The following WDR76 variants were observed in gnomAD, a reference collection of about 807,000 sequenced individuals.
The protein encoded by WDR76 is WD repeat domain 76.
WDR76 carries 52 observed loss-of-function variants against 70.2 expected under a neutral mutation model. The ratio of observed to expected loss-of-function variants is 0.74; its 90% CI spans 0.59 to 0.93. The LOEUF is 0.93. WDR76 is among the 40% of genes least tolerant of loss of function. WDR76 has a pLI of 0.00. For missense variants in WDR76, 756 were observed against 760.2 expected, an observed-to-expected ratio of 0.99 and a Z score of 0.07; for synonymous variants, 292 against 271.1, an observed-to-expected ratio of 1.08 and a Z score of -0.76.
Position 43,827,014 on chromosome 15 carries a change from G to T in WDR76, c.-19G>T. 6.2e-7 allele frequency: 1 copy of T among 1,612,974 alleles called. No individual in the cohort carries two copies. ...CCGCAATCTTGGCGGGAAGGCGCCG[G>T]CCGCTAAGAAGCCGAAAGATGTCCA... On this transcript the variant is annotated 5_prime_UTR_variant, in exon 1 of 13. Transcript: ENST00000263795.
chr15:43,827,160 C>G (rs2087527560), intron 1 of WDR76, 68 bp downstream of exon 1: 1 of 1,608,154 alleles, frequency 6.2e-7, no homozygotes, highest in South Asian at 1.1e-5. Context: ...ATGCGGGACA[C>G]AGGCCCAGGA....
At position 43,851,400 on chromosome 15, in the gene WDR76, C is replaced by T. The variant is rs187689297; in HGVS notation, c.1191+155C>T. 6.6e-5 allele frequency among the ~76,000 whole-genome samples: 10 copies of T among 152,312 alleles called. No individual in the cohort carries two copies. The East Asian group carries it at 1.9e-3, about 29-fold the overall frequency. ...AGTTCAAATCCCAGATCATCTGTTA[C>T]TAGTTGTATGACCTTGACAAGTTGC... is the stretch of plus-strand genomic sequence containing the variant. On this transcript the variant is annotated intron_variant, in intron 9 of 12. Coordinates refer to ENST00000263795, the MANE Select transcript of WDR76 (RefSeq NM_024908.4).
At chr15:43,838,826 T>C (rs941956318) in intron 4 of WDR76, among the ~76,000 whole-genome samples, 3 of 152,166 alleles carry the variant, frequency 2.0e-5, no homozygotes, top group Admixed American at 6.6e-5. Context: ...TAGGAGTAGA[T>C]TTCTAGGATT....
At chr15:43,862,975 G>A (rs531584551) in intron 12 of WDR76, among the ~76,000 whole-genome samples, 3 of 151,570 alleles carry the variant, frequency 2.0e-5, no homozygotes, top group East Asian at 3.9e-4. Flanking sequence ...TCGCTCTGTT[G>A]TCCAGGCTGG....
intron 9 of WDR76, among the ~76,000 whole-genome samples, chr15:43,854,664 T>C (rs779689578): frequency 1.3e-5 from 2 of 151,958 alleles, no homozygotes; most frequent in East Asian, 2.0e-4. Context: ...AATCAAGATA[T>C]AGAGCTGGGC....
At chr15:43,864,617 G>A (rs1219642849) in intron 12 of WDR76, among the ~76,000 whole-genome samples, 7 of 150,666 alleles carry the variant, frequency 4.6e-5, no homozygotes, top group African/African-American at 1.2e-4. Context: ...TTTTTTAAAC[G>A]GAGTCTTGCT....
chr15:43,837,632 T>C (rs1349486973), intron 4 of WDR76, among the ~76,000 whole-genome samples: 1 of 152,164 alleles, frequency 6.6e-6, no homozygotes, highest in Admixed American at 6.6e-5. Context: ...AATTTTTCTT[T>C]CTGTAAAGCT....
intron 11 of WDR76, among the ~76,000 whole-genome samples, chr15:43,859,207 A>G (rs1301459206): frequency 6.6e-6 from 1 of 152,246 alleles, no homozygotes; most frequent in Non-Finnish European, 1.5e-5. Context: ...GCCCCAGACC[A>G]TGGGCAGACA....
chr15:43,831,830 G>T (rs543975779), intron 2 of WDR76, among the ~76,000 whole-genome samples: 3 of 152,000 alleles, frequency 2.0e-5, no homozygotes, highest in East Asian at 1.9e-4. Flanking sequence ...GCATATCAGA[G>T]AAATTTTTTT....
intron 9 of WDR76, 71 bp from the exon 10 acceptor site, chr15:43,856,875 C>G: frequency 7.2e-7 from 1 of 1,385,974 alleles, no homozygotes; most frequent in African/African-American, 1.4e-5. Context: ...ACCCTTTTAC[C>G]AAAGAATTTA....
At chr15:43,835,182 C>G (rs753055226) in intron 3 of WDR76, 32 bp downstream of exon 3, 106 of 1,599,438 alleles carry the variant, frequency 6.6e-5, no homozygotes, top group Non-Finnish European at 8.7e-5. Context: ...AAGCAAGATG[C>G]AGGGCCGGGA....
intron 10 of WDR76, 104 bp from the exon 11 acceptor site, chr15:43,858,564 GTTC>G: frequency 7.1e-7 from 1 of 1,407,864 alleles, no homozygotes; most frequent in East Asian, 2.4e-5. Context: ...TGTCTTAAAT[GTTC>G]TTCAGTATAG....
rs1232403315 is a variant in WDR76 at position 43,828,198 on chromosome 15, G to A, written c.294G>A (p.Met98Ile). 6.2e-7 allele frequency: 1 copy of A among 1,614,158 alleles called. No homozygotes were observed. The change falls in exon 2 of 13, where the codon ATG becomes ATA. Residue 98 changes from methionine (M) to isoleucine (I), a missense_variant. Physicochemically the swap from Met to Ile is conservative, Grantham distance 10. Transcript: ENST00000263795. The part of the protein sequence containing the change: ...KTCRRIIPPK[M>I]KNTSSKAEST... The stretch of plus-strand genomic sequence containing the variant: ...GCAGAAGGATTATACCTCCAAAGAT[G>A]AAAAACACATCTTCCAAGGCAGAAT...
rs80212092 is a variant in WDR76, at chr15:43,855,006, T to C, written c.1192-1940T>C. On this transcript the variant is annotated intron_variant, in intron 9 of 12. Coordinates refer to ENST00000263795, the MANE Select transcript of WDR76 (RefSeq NM_024908.4). The stretch of plus-strand genomic sequence containing the variant: ...CCCTCAAGATTACGTCATGACCTTT[T>C]GTAGTCATTCTCCTCCCATTGCCTG... Among the ~76,000 whole-genome samples, 216 of 152,216 alleles carry C rather than the reference T, an allele frequency of 1.4e-3. 2 individuals are homozygous for C. In the East Asian group the frequency reaches 0.036, roughly 25 times the overall value.
intron 8 of WDR76, among the ~76,000 whole-genome samples, chr15:43,849,704 AT>A (rs1269645149): frequency 2.6e-5 from 4 of 151,892 alleles, no homozygotes; most frequent in Non-Finnish European, 4.4e-5. Context: ...CGCCCGGCTA[AT>A]TTTTGTATTT....
At position 43,839,702 on chromosome 15, in the gene WDR76, C is replaced by A; in HGVS notation, c.706C>A (p.Pro236Thr). ...SGVSLPAAPT[P>T]PTLVADETPL... ...AGTTTCATTACCAGCAGCTCCAACA[C>A]CGCCGACATTAGTAGCAGATGAAAC... Residue 236 changes from proline to threonine, a missense_variant, in exon 5 of 13, where the codon CCG becomes ACG. Transcript: ENST00000263795. The A allele has an allele frequency of 1.9e-6, 3 of 1,610,142 alleles. No homozygotes were observed. Among genetic ancestry groups the A allele is most frequent in the Non-Finnish European group, 2.5e-6 (3 of 1,177,744 alleles).
intron 8 of WDR76, among the ~76,000 whole-genome samples, chr15:43,849,519 T>C (rs1335434782): frequency 1.3e-5 from 2 of 152,186 alleles, no homozygotes; most frequent in Non-Finnish European, 2.9e-5. Flanking sequence ...TCAATGATAA[T>C]TTTGGTTAAT....
intron 11 of WDR76, 59 bp from the exon 12 acceptor site, chr15:43,861,272 GAT>G: frequency 2.3e-6 from 3 of 1,308,738 alleles, no homozygotes; most frequent in Non-Finnish European, 3.3e-6. Context: ...TAAATACACT[GAT>G]ATTTATTTCA....
intron 2 of WDR76, among the ~76,000 whole-genome samples, chr15:43,831,679 A>C (rs2087590750): frequency 6.6e-6 from 1 of 151,530 alleles, no homozygotes; most frequent in Non-Finnish European, 1.5e-5. Flanking sequence ...ACCTCAAGTG[A>C]TCTGCCTGCC....
Sources: allele counts gnomAD v4.1 joint callset (sites outside exome capture counted in the v4.1 genomes callset), GRCh38; gene constraint gnomAD v4.1.1; transcripts MANE v1.5; gene names NCBI Gene and HGNC (gene_info 2026-07-23, HGNC 2026-07-21).